PBX1: variants seen among roughly 807,000 people sequenced by gnomAD.
The protein encoded by PBX1 is pre-B-cell leukemia transcription factor 1.
Under a neutral mutation model 53.4 loss-of-function variants are expected in PBX1, and 6 were observed. The observed-to-expected ratio is 0.11, with a 90% CI of 0.06 to 0.22. PBX1 has a LOEUF of 0.22. Ranked by LOEUF, PBX1 falls within the 10% of genes least tolerant of loss-of-function variation. The pLI, the probability that PBX1 is intolerant of heterozygous loss-of-function variation, is 1.00. For missense variants in PBX1, 251 were observed against 551.4 expected (o/e 0.46, Z 5.46); for synonymous variants, 204 against 212.3 (o/e 0.96, Z 0.34).
intron 2 of PBX1, among the ~76,000 whole-genome samples, chr1:164,598,261 T>G (rs1281661074): frequency 1.3e-5 from 2 of 152,234 alleles, no homozygotes; most frequent in South Asian, 4.1e-4. Context: ...TTTGTTTTTA[T>G]CTGGCTACTA....
intron 2 of PBX1, chr1:164,657,162 A>G (rs1188916438): frequency 6.6e-6 from 1 of 152,248 alleles, no homozygotes; most frequent in African/African-American, 2.4e-5. Flanking sequence ...CATTGGCTCC[A>G]AGAGACAAGC....
intron 2 of PBX1, among the ~76,000 whole-genome samples, chr1:164,585,420 C>T (rs1382504212): frequency 6.6e-6 from 1 of 152,210 alleles, no homozygotes; most frequent in Admixed American, 6.5e-5. Flanking sequence ...CTTCCCTCCT[C>T]ATCAGCCCCA....
chr1:164,651,423 G>A (rs1328780771), intron 2 of PBX1, among the ~76,000 whole-genome samples: 2 of 151,858 alleles, frequency 1.3e-5, no homozygotes, highest in African/African-American at 2.4e-5. Flanking sequence ...TGGCTGTCTC[G>A]TTTCCCTACC....
chr1:164,764,086 A>G (rs1240956351), intron 2 of PBX1, among the ~76,000 whole-genome samples: 1 of 152,170 alleles, frequency 6.6e-6, no homozygotes, highest in African/African-American at 2.4e-5. Flanking sequence ...TTATTTCTGG[A>G]GGAAAAAAGA....
At chr1:164,680,995 G>A (rs1269602789) in intron 2 of PBX1, among the ~76,000 whole-genome samples, 1 of 152,122 alleles carries the variant, frequency 6.6e-6, no homozygotes, top group Non-Finnish European at 1.5e-5. Context: ...CAGGAATGGT[G>A]GCTCATGCCT....
intron 2 of PBX1, among the ~76,000 whole-genome samples, chr1:164,610,742 A>T (rs1457198462): frequency 6.6e-6 from 1 of 152,210 alleles, no homozygotes; most frequent in East Asian, 1.9e-4. Flanking sequence ...CTGGCAGGCC[A>T]ATGTGCTTGG....
At chr1:164,573,972 A>T (rs1015127314) in intron 2 of PBX1, among the ~76,000 whole-genome samples, 1 of 152,172 alleles carries the variant, frequency 6.6e-6, no homozygotes, top group African/African-American at 2.4e-5. Flanking sequence ...CTCAAACTTG[A>T]GCTGGTAGTT....
chr1:164,746,627 C>A (rs998140888), intron 2 of PBX1, among the ~76,000 whole-genome samples: 1 of 152,120 alleles, frequency 6.6e-6, no homozygotes, highest in Non-Finnish European at 1.5e-5. Flanking sequence ...CCAGGCTGTT[C>A]TCGAACTCTT....
At chr1:164,777,660 A>T (rs770050813) in intron 2 of PBX1, among the ~76,000 whole-genome samples, 3 of 152,208 alleles carry the variant, frequency 2.0e-5, no homozygotes, top group Non-Finnish European at 4.4e-5. Context: ...ATAATTATTT[A>T]CATCCCTGTC....
Position 164,693,420 on chromosome 1 carries a change from A to G in PBX1, c.266-99074A>G, listed in dbSNP as rs971315093. On this transcript the variant is annotated intron_variant, in intron 2 of 8. Transcript: ENST00000420696. ...AAGTTGTTGATCTTGTAAATTTAGG[A>G]CAGTGCGACTTACGTTCTTGAGAGC... Among the ~76,000 whole-genome samples the G allele has an allele frequency of 7.2e-4, 109 of 152,208 alleles. 1 individual carries two copies. Among genetic ancestry groups the G allele is most frequent in the African/African-American group, 2.6e-3 (106 of 41,442 alleles).
chr1:164,559,734 A>G lies in PBX1; in HGVS notation c.-89A>G. The G allele has an allele frequency of 2.1e-6, 2 of 951,106 alleles. No individual in the cohort carries two copies. Among genetic ancestry groups the G allele is most frequent in the East Asian group, 3.2e-5 (1 of 31,734 alleles). 58.9% of individuals were successfully genotyped at this position (951,106 alleles called of 1,614,324 possible). A position where few individuals can be genotyped will look rare whatever the true frequency, so the allele number is the denominator to read the frequency against. On this transcript the variant is annotated 5_prime_UTR_variant, in exon 1 of 9. Transcript: ENST00000420696. Reference sequence around the variant, plus strand: ...TTATCCTGAAAAGGATTTGAAGACAAGCTTGAAGGATAAAAAGCCTTGGTG... The same window carrying G: ...TTATCCTGAAAAGGATTTGAAGACAGGCTTGAAGGATAAAAAGCCTTGGTG...
At chr1:164,766,950 G>C (rs1003660906) in intron 2 of PBX1, among the ~76,000 whole-genome samples, 1 of 151,572 alleles carries the variant, frequency 6.6e-6, no homozygotes, top group African/African-American at 2.4e-5. Context: ...GGCTGGTCTC[G>C]AACTCCCGAC....
chr1:164,700,342 A>G (rs910880875), intron 2 of PBX1: 1 of 511,282 alleles, frequency 2.0e-6, no homozygotes, highest in Non-Finnish European at 2.5e-6. Context: ...AGAATGTGCC[A>G]GGATTGCTGG....
At chr1:164,753,724 G>A (rs1365447989) in intron 2 of PBX1, among the ~76,000 whole-genome samples, 2 of 152,156 alleles carry the variant, frequency 1.3e-5, no homozygotes, top group Non-Finnish European at 2.9e-5. Flanking sequence ...CTTGGGGGAC[G>A]AGCATAATAT....
At chr1:164,813,509 C>T (rs998002018) in intron 6 of PBX1, 3 of 152,194 alleles carry the variant, frequency 2.0e-5, no homozygotes, top group Admixed American at 1.3e-4. Context: ...AGAGTTCCAT[C>T]TTCTCCATCT....
At position 164,647,521 on chromosome 1, in the gene PBX1, G is replaced by T. The variant is rs756264695; in HGVS notation, c.265+84210G>T. On this transcript the variant is annotated intron_variant, in intron 2 of 8. Coordinates refer to ENST00000420696, the MANE Select transcript of PBX1 (RefSeq NM_002585.4). Reference sequence around the variant, plus strand: ...AGTTGACCCCCTGGGCCCCTCCCAGGTATGATCTTTTAAGAAGCCTGAGGA... The same window carrying T: ...AGTTGACCCCCTGGGCCCCTCCCAGTTATGATCTTTTAAGAAGCCTGAGGA... Among the ~76,000 whole-genome samples, 104 of 152,156 alleles carry T rather than the reference G, an allele frequency of 6.8e-4. 1 individual carries two copies. The highest frequency in any genetic ancestry group is 1.4e-3 in the Non-Finnish European group (92 of 68,042).
chr1:164,707,084 T>A (rs981030094), intron 2 of PBX1, among the ~76,000 whole-genome samples: 1 of 152,030 alleles, frequency 6.6e-6, no homozygotes, highest in African/African-American at 2.4e-5. Flanking sequence ...AGGAACAACA[T>A]GAAACAGCAA....
chr1:164,807,458 C>T, intron 4 of PBX1, 84 bp from the exon 5 acceptor site: 1 of 1,500,470 alleles, frequency 6.7e-7, no homozygotes, highest in South Asian at 1.4e-5. Flanking sequence ...AATTTGTCTT[C>T]TCCCAGAAGT....
chr1:164,613,483 A>C (rs542200045), intron 2 of PBX1, among the ~76,000 whole-genome samples: 18 of 152,074 alleles, frequency 1.2e-4, no homozygotes, highest in Non-Finnish European at 2.5e-4. Context: ...AAGTATCAGG[A>C]TTGCCGTAAA....
Sources: gnomAD v4.1 joint callset for allele counts (sites outside exome capture counted in the v4.1 genomes callset) on GRCh38, gnomAD v4.1.1 for gene constraint, MANE v1.5 for transcripts, NCBI Gene and HGNC (gene_info 2026-07-23, HGNC 2026-07-21) for gene names.